Variants in ZNF654 observed in about 807,000 individuals in gnomAD.
The protein encoded by ZNF654 is zinc finger protein 654, also known as melanoma-associated antigen.
In ZNF654, 19 loss-of-function variants were observed where a neutral mutation model predicts 95.3. The observed-to-expected ratio is 0.20, with a 90% CI of 0.14 to 0.29. ZNF654 has a LOEUF of 0.29. Ranked by LOEUF, ZNF654 falls within the 10% of genes least tolerant of loss-of-function variation. The probability of loss-of-function intolerance (pLI) is 1.00; values close to 1 mark genes in which losing one functional copy is unlikely to be tolerated. For missense variants in ZNF654, 1,046 were observed against 1,341.0 expected, an observed-to-expected ratio of 0.78 and a Z score of 3.44; for synonymous variants, 413 against 457.9, an observed-to-expected ratio of 0.90 and a Z score of 1.25.
chr3:88,059,883 G>A (rs1375264876), intron 1 of ZNF654, among the ~76,000 whole-genome samples: 1 of 151,982 alleles, frequency 6.6e-6, no homozygotes, highest in Non-Finnish European at 1.5e-5. Flanking sequence ...GGCACCTCTG[G>A]TAACATTTTC....
chr3:88,117,956 AAC>A (rs1705513896), intron 3 of ZNF654, among the ~76,000 whole-genome samples: 1 of 151,996 alleles, frequency 6.6e-6, no homozygotes, highest in African/African-American at 2.4e-5. Context: ...AAAAAAAAAA[AAC>A]AACCAAGAAC....
intron 2 of ZNF654, among the ~76,000 whole-genome samples, chr3:88,094,925 G>A (rs1315657450): frequency 1.3e-5 from 2 of 151,964 alleles, no homozygotes; most frequent in Admixed American, 6.6e-5. Context: ...TGATAAAATT[G>A]ACAAAATTTT....
At position 88,143,332 on chromosome 3, in the gene ZNF654, T is replaced by G. The variant is rs1576363525; in HGVS notation, c.*1680T>G. 6.6e-6 allele frequency: 1 copy of G among 152,246 alleles called. No individual in the cohort carries two copies. The highest frequency in any genetic ancestry group is 1.9e-4 in the East Asian group (1 of 5,202). The allele number at this position is 152,246 out of a possible 1,614,324, so 9.4% of individuals were successfully genotyped here. A position where few individuals can be genotyped will look rare whatever the true frequency, so the allele number is the denominator to read the frequency against. On this transcript the variant is annotated 3_prime_UTR_variant, in exon 9 of 9. Transcript: ENST00000636215. ...TTAAATTTGTTTCTGTTATGTAGCC[T>G]ATATTAGGCTGTGGAATTTACATTT...
chr3:88,127,734 T>C (rs1706205883), intron 4 of ZNF654, among the ~76,000 whole-genome samples: 1 of 152,188 alleles, frequency 6.6e-6, no homozygotes. Context: ...CCTTTTAGGC[T>C]GGGAATTACA....
chr3:88,137,569 A>G (rs1290707701), intron 7 of ZNF654, among the ~76,000 whole-genome samples: 7 of 152,192 alleles, frequency 4.6e-5, no homozygotes. Context: ...AGATATTTAT[A>G]AAACAAAATT....
intron 1 of ZNF654, among the ~76,000 whole-genome samples, chr3:88,071,379 T>G (rs1707500578): frequency 6.6e-6 from 1 of 152,122 alleles, no homozygotes; most frequent in Admixed American, 6.5e-5. Context: ...GTGCAGTGGC[T>G]CACTCCTGTA....
chr3:88,099,207 A>T lies in ZNF654; in HGVS notation c.332+12805A>T, dbSNP rs540495249. Among the ~76,000 whole-genome samples, 36 of 152,336 alleles carry T rather than the reference A, an allele frequency of 2.4e-4. No homozygotes were observed. In the South Asian group the frequency reaches 7.5e-3, roughly 32 times the overall value. On this transcript the variant is annotated intron_variant, in intron 2 of 8. Transcript: ENST00000636215. ...ACACCAATAACAGACAGAGAGCCAAATCATGAGTGAACTCCCATTCACAAT... is the reference window on the plus strand; with the variant it reads ...ACACCAATAACAGACAGAGAGCCAATTCATGAGTGAACTCCCATTCACAAT...
chr3:88,116,712 C>T (rs748432060), intron 3 of ZNF654, among the ~76,000 whole-genome samples: 5 of 151,920 alleles, frequency 3.3e-5, no homozygotes, highest in African/African-American at 4.8e-5. Context: ...ATGCAGCCAG[C>T]CCCATTACCC....
At chr3:88,099,207 A>G (rs540495249) in intron 2 of ZNF654, among the ~76,000 whole-genome samples, 1 of 152,218 alleles carries the variant, frequency 6.6e-6, no homozygotes, top group Non-Finnish European at 1.5e-5. Context: ...AGAGAGCCAA[A>G]TCATGAGTGA....
At chr3:88,120,011 T>G (rs1705673312) in intron 3 of ZNF654, among the ~76,000 whole-genome samples, 1 of 152,110 alleles carries the variant, frequency 6.6e-6, no homozygotes, top group South Asian at 2.1e-4. Context: ...TTAAATATTC[T>G]TTTTTTCAAG....
intron 1 of ZNF654, among the ~76,000 whole-genome samples, chr3:88,076,968 C>T (rs1243932883): frequency 1.3e-5 from 2 of 152,070 alleles, no homozygotes; most frequent in African/African-American, 4.8e-5. Flanking sequence ...TTAACCTTGG[C>T]CAGGAGCTGA....
At chr3:88,098,717 C>T (rs1323614702) in intron 2 of ZNF654, among the ~76,000 whole-genome samples, 4 of 152,058 alleles carry the variant, frequency 2.6e-5, no homozygotes, top group Non-Finnish European at 5.9e-5. Context: ...ATAAACAGAA[C>T]CAAAGACAAA....
At chr3:88,091,611 A>G (rs1708634266) in intron 2 of ZNF654, among the ~76,000 whole-genome samples, 1 of 152,140 alleles carries the variant, frequency 6.6e-6, no homozygotes, top group South Asian at 2.1e-4. Flanking sequence ...TCCCCACCCA[A>G]ATCTCATCTT....
chr3:88,114,115 GA>G (rs755207687), intron 3 of ZNF654, among the ~76,000 whole-genome samples: 1 of 152,084 alleles, frequency 6.6e-6, no homozygotes, highest in African/African-American at 2.4e-5. Flanking sequence ...AAGCAAAACA[GA>G]AAAAATCTTC....
intron 1 of ZNF654, among the ~76,000 whole-genome samples, chr3:88,067,014 AGT>A (rs1165494822): frequency 3.9e-5 from 6 of 152,222 alleles, no homozygotes; most frequent in Admixed American, 6.5e-5. Context: ...CCTAAAGTCT[AGT>A]ACATTAACAC....
chr3:88,098,312 C>T (rs1230414267), intron 2 of ZNF654, among the ~76,000 whole-genome samples: 1 of 152,178 alleles, frequency 6.6e-6, no homozygotes, highest in Non-Finnish European at 1.5e-5. Context: ...ACACCAATAA[C>T]AGGCTCTGAA....
chr3:88,072,621 C>T (rs1229358459), intron 1 of ZNF654, among the ~76,000 whole-genome samples: 3 of 152,120 alleles, frequency 2.0e-5, no homozygotes, highest in South Asian at 2.1e-4. Flanking sequence ...TAGAGGCCTT[C>T]CCTGAACACC....
chr3:88,067,927 T>TA (rs1707294019), intron 1 of ZNF654, among the ~76,000 whole-genome samples: 1 of 151,968 alleles, frequency 6.6e-6, no homozygotes, highest in Admixed American at 6.6e-5. Flanking sequence ...TGTGTACACT[T>TA]AAAATCTGGT....
rs188224661 is a variant in ZNF654, at chr3:88,082,253, A to G, written c.187-4004A>G. Reference sequence around the variant, plus strand: ...GTGATTCTCCTGCCTCAGCCTCCCAAGTAGCTAGGACTACAGGCGCGTGCC... The same window carrying G: ...GTGATTCTCCTGCCTCAGCCTCCCAGGTAGCTAGGACTACAGGCGCGTGCC... On this transcript the variant is annotated intron_variant, in intron 1 of 8. Transcript: ENST00000636215. Among the ~76,000 whole-genome samples, 402 of 152,128 alleles carry G rather than the reference A, an allele frequency of 2.6e-3. 1 individual carries two copies. Among genetic ancestry groups the G allele is most frequent in the African/African-American group, 9.4e-3 (391 of 41,502 alleles).
Sources: gnomAD v4.1 joint callset for allele counts (sites outside exome capture counted in the v4.1 genomes callset) on GRCh38, gnomAD v4.1.1 for gene constraint, MANE v1.5 for transcripts, NCBI Gene and HGNC (gene_info 2026-07-23, HGNC 2026-07-21) for gene names.